Variants in CSMD1 observed in about 807,000 individuals in gnomAD.
The protein encoded by CSMD1 is CUB and sushi domain-containing protein 1.
CSMD1 carries 213 observed loss-of-function variants against 417.5 expected under a neutral mutation model. The observed-to-expected ratio is 0.51, with a 90% CI of 0.46 to 0.57. The LOEUF (loss-of-function observed/expected upper bound fraction) is 0.57. CSMD1 is among the 20% of genes least tolerant of loss of function. The probability of loss-of-function intolerance (pLI) is 0.00; values close to 1 mark genes in which losing one functional copy is unlikely to be tolerated. For synonymous variants in CSMD1, 2,862 were observed against 1,736.8 expected (o/e 1.65, Z -16.11); for missense variants, 6,923 against 4,529.7 (o/e 1.53, Z -15.17).
Position 3,219,443 on chromosome 8 carries a change from C to A in CSMD1, c.4485-1G>T. ...GTCATAGCTGGGCTCCATGTTGAAA[C>A]TAAAGAAAAGAATAGTAATTATGTC... is the stretch of plus-strand genomic sequence containing the variant. On this transcript the variant is annotated splice_acceptor_variant, in intron 28 of 69. Coordinates refer to ENST00000635120, the MANE Select transcript of CSMD1 (RefSeq NM_033225.6). LOFTEE classifies it high-confidence loss of function. 1 of 1,470,322 alleles carries A rather than the reference C, an allele frequency of 6.8e-7. No individual in the cohort carries two copies. The allele number at this position is 1,470,322 out of a possible 1,614,324, so 91.1% of individuals were successfully genotyped here.
intron 2 of CSMD1, among the ~76,000 whole-genome samples, chr8:4,436,512 C>T (rs958222743): frequency 1.3e-5 from 2 of 152,082 alleles, no homozygotes; most frequent in Admixed American, 6.6e-5. Context: ...TCCTCTCAAA[C>T]ATTTATCCTT....
At chr8:3,690,977 G>C (rs952632329) in intron 7 of CSMD1, among the ~76,000 whole-genome samples, 9 of 152,124 alleles carry the variant, frequency 5.9e-5, no homozygotes, top group Non-Finnish European at 7.4e-5. Flanking sequence ...ATGCATGTTT[G>C]TGTGTGAGGG....
chr8:3,116,064 G>A (rs867697537), intron 42 of CSMD1, among the ~76,000 whole-genome samples: 6 of 152,140 alleles, frequency 3.9e-5, no homozygotes, highest in East Asian at 1.9e-4. Context: ...ACTAATAGGC[G>A]TTTGAACAGC....
chr8:3,993,613 CA>C (rs1280573591), intron 5 of CSMD1, among the ~76,000 whole-genome samples: 1 of 152,162 alleles, frequency 6.6e-6, no homozygotes, highest in Admixed American at 6.5e-5. Flanking sequence ...TGTAAACTTC[CA>C]TACACCAGAT....
chr8:4,706,100 A>G (rs1055434953), intron 1 of CSMD1, among the ~76,000 whole-genome samples: 1 of 150,438 alleles, frequency 6.6e-6, no homozygotes, highest in African/African-American at 2.4e-5. Context: ...TAATATATAA[A>G]AACTATATAT....
At chr8:4,168,192 T>C (rs1430942196) in intron 3 of CSMD1, among the ~76,000 whole-genome samples, 2 of 151,536 alleles carry the variant, frequency 1.3e-5, no homozygotes, top group African/African-American at 2.4e-5. Flanking sequence ...CACACACGTA[T>C]GTATGTATAT....
At chr8:4,145,573 G>A (rs987344619) in intron 3 of CSMD1, among the ~76,000 whole-genome samples, 1 of 150,914 alleles carries the variant, frequency 6.6e-6, no homozygotes, top group East Asian at 1.9e-4. Context: ...ATTTTTTGTG[G>A]AGAGACGGTC....
At chr8:3,424,937 T>C (rs1813729854) in intron 12 of CSMD1, among the ~76,000 whole-genome samples, 3 of 152,314 alleles carry the variant, frequency 2.0e-5, no homozygotes, top group South Asian at 2.1e-4. Context: ...TGGGCTCAAG[T>C]GATCTTTCGA....
chr8:3,723,694 A>G (rs66896036), intron 6 of CSMD1, among the ~76,000 whole-genome samples: 104,806 of 152,040 alleles, frequency 0.69, 37,388 homozygotes, highest in South Asian at 0.82. Flanking sequence ...GAGCAGGGTG[A>G]TATTAACACG....
chr8:4,331,312 G>A (rs1799856177), intron 3 of CSMD1, among the ~76,000 whole-genome samples: 1 of 152,124 alleles, frequency 6.6e-6, no homozygotes, highest in Non-Finnish European at 1.5e-5. Flanking sequence ...GCTGCACGGT[G>A]GGTGCAAACG....
At chr8:4,932,855 C>T (rs568200197) in intron 1 of CSMD1, among the ~76,000 whole-genome samples, 79 of 152,322 alleles carry the variant, frequency 5.2e-4, no homozygotes, top group Middle Eastern at 3.4e-3. Context: ...GTCCTGTCGA[C>T]GCCTCAAACA....
chr8:4,864,875 T>TACACACAC (rs35135942), intron 1 of CSMD1, among the ~76,000 whole-genome samples: 69,363 of 146,662 alleles, frequency 0.47, 16,838 homozygotes, highest in East Asian at 0.56. Flanking sequence ...TGGATTCTAC[T>TACACACAC]ACACACACAC....
chr8:3,732,798 C>T (rs1395621461), intron 6 of CSMD1, among the ~76,000 whole-genome samples: 2 of 152,104 alleles, frequency 1.3e-5, no homozygotes, highest in African/African-American at 2.4e-5. Context: ...TGAGTGATTC[C>T]GTTTCACCTG....
intron 33 of CSMD1, 34 bp from the exon 34 acceptor site, chr8:3,190,149 T>A: frequency 5.9e-6 from 9 of 1,523,854 alleles, no homozygotes; most frequent in Non-Finnish European, 8.0e-6. Flanking sequence ...GCCGTCTGTA[T>A]CTCCATCAGC....
chr8:4,293,005 G>A (rs890034332), intron 3 of CSMD1, among the ~76,000 whole-genome samples: 8 of 152,168 alleles, frequency 5.3e-5, no homozygotes, highest in African/African-American at 1.9e-4. Context: ...AGGTGCAGAG[G>A]GGCAAGGGAG....
intron 7 of CSMD1, among the ~76,000 whole-genome samples, chr8:3,691,939 T>G (rs998982312): frequency 1.3e-5 from 2 of 152,200 alleles, no homozygotes; most frequent in Admixed American, 1.3e-4. Flanking sequence ...AATATTATTT[T>G]AATCAAGAGC....
intron 17 of CSMD1, among the ~76,000 whole-genome samples, chr8:3,390,294 G>A (rs1038124402): frequency 6.5e-5 from 9 of 138,414 alleles, no homozygotes; most frequent in Non-Finnish European, 1.2e-4. Context: ...GGCAGAGGAT[G>A]CAGTGAGCCA....
At chr8:4,353,647 C>T (rs887866314) in intron 3 of CSMD1, among the ~76,000 whole-genome samples, 1 of 152,080 alleles carries the variant, frequency 6.6e-6, no homozygotes, top group Non-Finnish European at 1.5e-5. Context: ...ACAGGCTAAA[C>T]CTTCTCAATC....
chr8:4,807,036 A>T (rs1034393139), intron 1 of CSMD1, among the ~76,000 whole-genome samples: 1 of 152,238 alleles, frequency 6.6e-6, no homozygotes, highest in Non-Finnish European at 1.5e-5. Context: ...ATCATCTCAA[A>T]ATAGACTTAT....
Sources: allele counts gnomAD v4.1 joint callset (sites outside exome capture counted in the v4.1 genomes callset), GRCh38; gene constraint gnomAD v4.1.1; transcripts MANE v1.5; gene names NCBI Gene and HGNC (gene_info 2026-07-23, HGNC 2026-07-21).